ARAP2: variants seen among roughly 807,000 people sequenced by gnomAD.
ARAP2 encodes the protein arf-GAP with Rho-GAP domain, ANK repeat and PH domain-containing protein 2.
A neutral mutation model predicts 194.5 loss-of-function variants in ARAP2; 148 were observed. That is an observed-to-expected ratio of 0.76 (90% CI 0.67 to 0.87). The LOEUF is 0.87. ARAP2 is among the 40% of genes least tolerant of loss of function. ARAP2 has a pLI of 0.00. For synonymous variants in ARAP2, 695 were observed against 683.5 expected, an observed-to-expected ratio of 1.02 and a Z score of -0.26; for missense variants, 2,128 against 1,989.7, an observed-to-expected ratio of 1.07 and a Z score of -1.32.
chr4:36,020,419 A>C (rs73121794), intron 5 of ARAP2, among the ~76,000 whole-genome samples: 41 of 143,454 alleles, frequency 2.9e-4, no homozygotes, highest in East Asian at 6.2e-4. Flanking sequence ...CCCCGCCCCC[A>C]CCTAAAAAAA....
rs1363382830 is a variant in ARAP2, at chr4:36,187,446, C to G, written c.1678+5G>C. On this transcript the variant is annotated splice_donor_5th_base_variant and intron_variant, in intron 8 of 32. Coordinates refer to ENST00000303965, the MANE Select transcript of ARAP2 (RefSeq NM_015230.4). ...TATTTCATATGGATAAATAAATAATCTCACCTTCTTTTTCTACTCTAAAAA... is the reference window on the plus strand; with the variant it reads ...TATTTCATATGGATAAATAAATAATGTCACCTTCTTTTTCTACTCTAAAAA... The G allele has an allele frequency of 7.2e-7, 1 of 1,380,658 alleles. No individual in the cohort carries two copies. Among genetic ancestry groups the G allele is most frequent in the Admixed American group, 2.4e-5 (1 of 41,910 alleles). 85.5% of individuals were successfully genotyped at this position (1,380,658 alleles called of 1,614,324 possible).
intron 11 of ARAP2, among the ~76,000 whole-genome samples, chr4:36,162,636 A>G (rs1475381833): frequency 6.9e-6 from 1 of 144,908 alleles, no homozygotes; most frequent in African/African-American, 2.6e-5. Flanking sequence ...AAACTATTCA[A>G]AGCACAAAGC....
At position 36,083,438 on chromosome 4, in the gene ARAP2, C is replaced by T. The variant is rs1470387849; in HGVS notation, c.4438G>A (p.Asp1480Asn). The part of the protein sequence containing the change: ...LYKDVKSSKH[D>N]KMFSLSSMKF... ...ATGGAACTGAGAGAAAACATCTTGT[C>T]ATGTTTACTACTCTGTAAGGTAAAA... The change falls in exon 29 of 33, where the codon GAC (aspartate) becomes AAC (asparagine). Residue 1480 changes from aspartate (D) to asparagine (N), a missense_variant. Transcript: ENST00000303965. 1.9e-6 allele frequency: 3 copies of T among 1,599,618 alleles called. No homozygotes were observed. The highest frequency in any genetic ancestry group is 2.3e-5 in the South Asian group (2 of 88,724).
intron 9 of ARAP2, among the ~76,000 whole-genome samples, chr4:36,011,246 C>T (rs1016581932): frequency 7.9e-5 from 12 of 152,046 alleles, no homozygotes; most frequent in African/African-American, 2.9e-4. Flanking sequence ...TACTGTAAAA[C>T]CTCAACCACC....
intron 8 of ARAP2, among the ~76,000 whole-genome samples, chr4:36,184,391 T>C (rs759281046): frequency 6.6e-6 from 1 of 152,172 alleles, no homozygotes; most frequent in Non-Finnish European, 1.5e-5. Flanking sequence ...AGTAATTCCA[T>C]GTGTATACAG....
In ARAP2 at chr4:36,055,024, T is replaced by C. The variant is rs561980301; in HGVS notation, n.321+2946A>G. ...TTAATGACTTTAAGTGATTGCAGGT[T>C]ATGTCTTTTAAAATACGTAATAACC... On this transcript the variant is annotated intron_variant and non_coding_transcript_variant, in intron 2 of 12. Coordinates refer to the ARAP2 transcript ENST00000503225. 2.6e-5 allele frequency among the ~76,000 whole-genome samples: 4 copies of C among 152,348 alleles called. No homozygotes were observed. In the South Asian group the frequency reaches 8.3e-4, roughly 32 times the overall value.
intron 22 of ARAP2, among the ~76,000 whole-genome samples, chr4:36,122,821 C>T (rs558817462): frequency 3.3e-5 from 5 of 151,732 alleles, no homozygotes; most frequent in South Asian, 4.1e-4. Context: ...AGTTACATTG[C>T]TAAAAATGTA....
intron 5 of ARAP2, among the ~76,000 whole-genome samples, chr4:36,021,007 C>A (rs187618948): frequency 1.3e-5 from 2 of 152,150 alleles, no homozygotes; most frequent in Non-Finnish European, 2.9e-5. Context: ...GGTGAATGTA[C>A]ATGTGATTCA....
chr4:36,114,113 A>G, intron 26 of ARAP2, 57 bp downstream of exon 26: 1 of 1,199,196 alleles, frequency 8.3e-7, no homozygotes, highest in Non-Finnish European at 1.2e-6. Context: ...TCTTGTCTTA[A>G]AGAGTACTTT....
In ARAP2 at chr4:36,228,885, A is replaced by C. The variant is rs1006629325; in HGVS notation, c.602T>G (p.Leu201Trp). ...VEEQQTEKVKLITENLSKLPN... is the reference protein window; with the variant it reads ...VEEQQTEKVKWITENLSKLPN... ...GAGCTTACTGAGATTTTCTGTGATC[A>C]ATTTAACTTTTTCTGTTTGTTGTTC... The change falls in exon 2 of 33, where the codon TTG (leucine) becomes TGG (tryptophan). Residue 201 changes from leucine (L) to tryptophan (W), a missense_variant. Coordinates refer to ENST00000303965, the MANE Select transcript of ARAP2 (RefSeq NM_015230.4). 1 of 1,614,028 alleles carries C rather than the reference A, an allele frequency of 6.2e-7. No homozygotes were observed. Among genetic ancestry groups the C allele is most frequent in the Admixed American group, 1.7e-5 (1 of 59,978 alleles).
At chr4:36,163,377 G>T (rs1734534364) in intron 11 of ARAP2, among the ~76,000 whole-genome samples, 1 of 152,152 alleles carries the variant, frequency 6.6e-6, no homozygotes, top group African/African-American at 2.4e-5. Flanking sequence ...CAATAATAAA[G>T]ATAGTAAGTG....
chr4:36,218,680 A>C (rs1258840201), intron 2 of ARAP2, among the ~76,000 whole-genome samples: 2 of 152,228 alleles, frequency 1.3e-5, no homozygotes, highest in Non-Finnish European at 2.9e-5. Flanking sequence ...GTCCTAAGAC[A>C]TAACAGTTTT....
At chr4:36,028,256 G>A (rs73121798) in intron 5 of ARAP2, among the ~76,000 whole-genome samples, 7,368 of 152,040 alleles carry the variant, frequency 0.048, 583 homozygotes, top group African/African-American at 0.16. Context: ...TGTATGTAGC[G>A]TTATAATTAT....
At chr4:36,219,249 T>TA (rs1369244831) in intron 2 of ARAP2, among the ~76,000 whole-genome samples, 3 of 152,248 alleles carry the variant, frequency 2.0e-5, no homozygotes, top group Middle Eastern at 3.4e-3. Context: ...TGCATACAAA[T>TA]ATGCCTCAAG....
intron 8 of ARAP2, among the ~76,000 whole-genome samples, chr4:36,181,417 G>T (rs569176534): frequency 1.3e-5 from 2 of 152,124 alleles, no homozygotes; most frequent in South Asian, 2.1e-4. Context: ...AAAAAAAGAG[G>T]TTTAAGAAAA....
At chr4:36,024,014 C>T (rs1717470547) in intron 5 of ARAP2, among the ~76,000 whole-genome samples, 2 of 151,902 alleles carry the variant, frequency 1.3e-5, no homozygotes, top group South Asian at 4.1e-4. Flanking sequence ...GGCATATTTC[C>T]CTACAAGCAA....
In ARAP2 at chr4:36,229,498, C is replaced by A; in HGVS notation, c.-12G>T. ...CTGACTGAGGACATAATGGTGGCTT[C>A]ATTACTAAGCTGAGTTACAAAAAGT... is the stretch of plus-strand genomic sequence containing the variant. On this transcript the variant is annotated 5_prime_UTR_variant, in exon 2 of 33. It removes an upstream start codon present in the reference 5' UTR. Coordinates refer to ENST00000303965, the MANE Select transcript of ARAP2 (RefSeq NM_015230.4). The A allele has an allele frequency of 6.3e-7, 1 of 1,578,038 alleles. No homozygotes were observed. Among genetic ancestry groups the A allele is most frequent in the Non-Finnish European group, 8.6e-7 (1 of 1,160,018 alleles).
At chr4:36,144,721 A>G (rs1729206787) in intron 19 of ARAP2, among the ~76,000 whole-genome samples, 2 of 151,870 alleles carry the variant, frequency 1.3e-5, no homozygotes, top group Admixed American at 6.6e-5. Flanking sequence ...TAATCAAATG[A>G]AGGCTTATTT....
chr4:36,119,831 G>C, intron 23 of ARAP2, 113 bp from the exon 24 acceptor site: 1 of 691,014 alleles, frequency 1.4e-6, no homozygotes, highest in Non-Finnish European at 2.3e-6. Flanking sequence ...AAATAAATGA[G>C]AATGGCCATC....
Sources: gnomAD v4.1 joint callset for allele counts (sites outside exome capture counted in the v4.1 genomes callset) on GRCh38, gnomAD v4.1.1 for gene constraint, MANE v1.5 for transcripts, NCBI Gene and HGNC (gene_info 2026-07-23, HGNC 2026-07-21) for gene names.